The following SEMA3E variants were observed in gnomAD, a reference collection of about 807,000 sequenced individuals.
SEMA3E encodes the protein semaphorin 3E, also known as semaphorin-3E.
Under a neutral mutation model 93.6 loss-of-function variants are expected in SEMA3E, and 49 were observed. The observed-to-expected ratio is 0.52, with a 90% CI of 0.42 to 0.66. The LOEUF (loss-of-function observed/expected upper bound fraction) is 0.66, where lower values mean the gene tolerates loss of function less well. Ranked by LOEUF, SEMA3E falls within the 30% of genes least tolerant of loss-of-function variation. SEMA3E has a pLI of 0.00. For synonymous variants in SEMA3E, 363 were observed against 330.7 expected (o/e 1.10, Z -1.06); for missense variants, 906 against 964.8 (o/e 0.94, Z 0.81).
chr7:83,624,488 T>G (rs936403810), intron 1 of SEMA3E, among the ~76,000 whole-genome samples: 2 of 152,194 alleles, frequency 1.3e-5, no homozygotes, highest in African/African-American at 4.8e-5. Flanking sequence ...TGATAAGCTT[T>G]TTTCCTATGT....
intron 1 of SEMA3E, among the ~76,000 whole-genome samples, chr7:83,506,674 A>G (rs1033625638): frequency 2.0e-5 from 3 of 152,206 alleles, no homozygotes; most frequent in Admixed American, 6.5e-5. Context: ...AAGAACTGAA[A>G]GATTTACAAA....
chr7:83,633,903 C>T (rs185899649), intron 1 of SEMA3E, among the ~76,000 whole-genome samples: 3 of 152,262 alleles, frequency 2.0e-5, no homozygotes, highest in Admixed American at 2.0e-4. Context: ...ATTACACACA[C>T]CATTCACAGG....
intron 1 of SEMA3E, among the ~76,000 whole-genome samples, chr7:83,612,061 G>T (rs1233112147): frequency 2.0e-5 from 3 of 152,030 alleles, no homozygotes; most frequent in Non-Finnish European, 2.9e-5. Flanking sequence ...TGTCCACAAT[G>T]CTTTCCTTCC....
chr7:83,627,095 T>C (rs1394652181), intron 1 of SEMA3E, among the ~76,000 whole-genome samples: 1 of 152,210 alleles, frequency 6.6e-6, no homozygotes, highest in African/African-American at 2.4e-5. Context: ...TTGTGTTCTT[T>C]TGCATTTGCT....
At chr7:83,477,092 A>G (rs1269616864) in intron 2 of SEMA3E, among the ~76,000 whole-genome samples, 4 of 152,190 alleles carry the variant, frequency 2.6e-5, no homozygotes, top group African/African-American at 9.6e-5. Context: ...ACAAGACGTT[A>G]TGACACTCAG....
intron 1 of SEMA3E, among the ~76,000 whole-genome samples, chr7:83,577,936 C>T (rs1056146787): frequency 2.6e-5 from 4 of 151,958 alleles, no homozygotes; most frequent in Non-Finnish European, 5.9e-5. Context: ...TTTGATATGA[C>T]TCTTTTTTAC....
At chr7:83,439,393 T>C (rs1584249846) in intron 4 of SEMA3E, among the ~76,000 whole-genome samples, 2 of 152,144 alleles carry the variant, frequency 1.3e-5, no homozygotes, top group East Asian at 3.9e-4. Flanking sequence ...TCTCTTGGAG[T>C]TAAAAGTCTC....
At chr7:83,515,303 A>G (rs1790904311) in intron 1 of SEMA3E, among the ~76,000 whole-genome samples, 1 of 152,112 alleles carries the variant, frequency 6.6e-6, no homozygotes. Flanking sequence ...GAAAAAAAAA[A>G]AAAAAAGAAA....
At chr7:83,551,722 A>G (rs1353599414) in intron 1 of SEMA3E, among the ~76,000 whole-genome samples, 3 of 152,164 alleles carry the variant, frequency 2.0e-5, no homozygotes, top group Non-Finnish European at 4.4e-5. Context: ...AATATGATCA[A>G]TAATAATCTT....
intron 4 of SEMA3E, among the ~76,000 whole-genome samples, chr7:83,432,278 T>G (rs896365956): frequency 6.6e-6 from 1 of 152,100 alleles, no homozygotes; most frequent in African/African-American, 2.4e-5. Context: ...GAGGGTTTTT[T>G]TTTTTGTTGT....
intron 12 of SEMA3E, among the ~76,000 whole-genome samples, chr7:83,394,908 ATGT>A (rs1393607309): frequency 2.0e-5 from 3 of 152,130 alleles, no homozygotes; most frequent in Admixed American, 2.0e-4. Context: ...GGGAACCAAC[ATGT>A]TGTTTTTGGA....
chr7:83,468,968 A>C (rs1052372095), intron 3 of SEMA3E, among the ~76,000 whole-genome samples: 5 of 152,224 alleles, frequency 3.3e-5, no homozygotes, highest in Admixed American at 3.3e-4. Flanking sequence ...AATACATGAG[A>C]AATAAGCATT....
intron 1 of SEMA3E, among the ~76,000 whole-genome samples, chr7:83,576,111 T>A (rs529746469): frequency 6.6e-6 from 1 of 152,336 alleles, no homozygotes; most frequent in South Asian, 2.1e-4. Context: ...AAAGTTATTT[T>A]AATTGTAAGA....
rs992897973 is a variant in SEMA3E, at chr7:83,407,000, C to G, written c.813+97G>C. On this transcript the variant is annotated intron_variant, in intron 7 of 16. Transcript: ENST00000643230. ...TCAATTGTAGGCAGTCTAAAGAATA[C>G]TAGAAAATATTTAAAAGTAGAAACT... is the stretch of plus-strand genomic sequence containing the variant. The G allele has an allele frequency of 8.4e-6, 12 of 1,429,028 alleles. No individual in the cohort carries two copies. In the African/African-American group the frequency reaches 1.4e-4, roughly 17 times the overall value. The allele number at this position is 1,429,028 out of a possible 1,614,324, so 88.5% of individuals were successfully genotyped here.
intron 1 of SEMA3E, among the ~76,000 whole-genome samples, chr7:83,632,111 C>T (rs1480814916): frequency 2.0e-5 from 3 of 149,780 alleles, no homozygotes; most frequent in East Asian, 2.0e-4. Flanking sequence ...GCCGAGAGCA[C>T]ACCATTGCAC....
intron 1 of SEMA3E, among the ~76,000 whole-genome samples, chr7:83,595,227 A>G (rs185168393): frequency 6.6e-6 from 1 of 152,118 alleles, no homozygotes; most frequent in African/African-American, 2.4e-5. Flanking sequence ...ATTACTTGCT[A>G]TCAAAAGCAT....
chr7:83,600,471 C>A (rs1387815741), intron 1 of SEMA3E, among the ~76,000 whole-genome samples: 1 of 148,438 alleles, frequency 6.7e-6, no homozygotes, highest in African/African-American at 2.5e-5. Context: ...AGGCGCCCGC[C>A]ACCACGCCCA....
At chr7:83,437,045 A>C (rs781251757) in intron 4 of SEMA3E, among the ~76,000 whole-genome samples, 6 of 152,172 alleles carry the variant, frequency 3.9e-5, no homozygotes, top group African/African-American at 9.7e-5. Context: ...CGTGAGACTT[A>C]CTATCATGAG....
rs1481279495 is a variant in SEMA3E at position 83,615,707 on chromosome 7, T to C, written c.115+32721A>G. Among the ~76,000 whole-genome samples the C allele has an allele frequency of 2.0e-5, 3 of 152,216 alleles. No homozygotes were observed. In the East Asian group the frequency reaches 5.8e-4, roughly 29 times the overall value. On this transcript the variant is annotated intron_variant, in intron 1 of 16. Coordinates refer to ENST00000643230, the MANE Select transcript of SEMA3E (RefSeq NM_012431.3). Reference sequence around the variant, plus strand: ...CATACTTTCCCACCTAAATGCAGATTATAGCAACGATAAAGTAATACTTCT... The same window carrying C: ...CATACTTTCCCACCTAAATGCAGATCATAGCAACGATAAAGTAATACTTCT...
Sources: gnomAD v4.1 joint callset for allele counts (sites outside exome capture counted in the v4.1 genomes callset) on GRCh38, gnomAD v4.1.1 for gene constraint, MANE v1.5 for transcripts, NCBI Gene and HGNC (gene_info 2026-07-23, HGNC 2026-07-21) for gene names.